RUNDC3B: variants seen among roughly 807,000 people sequenced by gnomAD.
RUNDC3B encodes RUN domain-containing protein 3B.
RUNDC3B carries 33 observed loss-of-function variants against 58.4 expected under a neutral mutation model. That is an observed-to-expected ratio of 0.56 (90% CI 0.43 to 0.75). The LOEUF (loss-of-function observed/expected upper bound fraction) is 0.75. Among genes scored for constraint, RUNDC3B ranks in the 30% least tolerant of loss-of-function variants. The probability of loss-of-function intolerance (pLI) is 0.00; values close to 1 mark genes in which losing one functional copy is unlikely to be tolerated. For missense variants in RUNDC3B, 501 were observed against 535.7 expected (o/e 0.94, Z 0.64); for synonymous variants, 193 against 195.2 (o/e 0.99, Z 0.10).
At chr7:87,629,869 G>A (rs574907142) in intron 1 of RUNDC3B, among the ~76,000 whole-genome samples, 9 of 151,192 alleles carry the variant, frequency 6.0e-5, no homozygotes, top group African/African-American at 2.2e-4. Context: ...GTTGCAATGA[G>A]CTGAGATAAC....
intron 8 of RUNDC3B, among the ~76,000 whole-genome samples, chr7:87,799,205 TG>T (rs2130920265): frequency 6.6e-6 from 1 of 152,348 alleles, no homozygotes; most frequent in Non-Finnish European, 1.5e-5. Flanking sequence ...TTCTAGGCGC[TG>T]GTGATTCAAG....
At chr7:87,651,059 A>C (rs772995568) in intron 2 of RUNDC3B, 122 bp downstream of exon 2, 65 of 624,272 alleles carry the variant, frequency 1.0e-4, no homozygotes, top group Non-Finnish European at 1.7e-4. Context: ...GAAATGTCAA[A>C]TCTTTTGGCC....
intron 8 of RUNDC3B, among the ~76,000 whole-genome samples, chr7:87,780,300 CT>C (rs1834856675): frequency 6.6e-6 from 1 of 152,058 alleles, no homozygotes; most frequent in Non-Finnish European, 1.5e-5. Flanking sequence ...TGTTTTGCAA[CT>C]TTTTAATAAT....
chr7:87,803,575 G>A (rs977104844), intron 8 of RUNDC3B, among the ~76,000 whole-genome samples: 61 of 152,048 alleles, frequency 4.0e-4, no homozygotes, highest in African/African-American at 3.6e-4. Context: ...TATTAGAAGC[G>A]GTAGAGTATA....
intron 2 of RUNDC3B, among the ~76,000 whole-genome samples, chr7:87,692,228 A>C (rs1828080946): frequency 6.6e-6 from 1 of 152,108 alleles, no homozygotes; most frequent in South Asian, 2.1e-4. Context: ...CGGCAGGATA[A>C]TCCATTGAGC....
chr7:87,670,236 A>G (rs1389081767), intron 2 of RUNDC3B, among the ~76,000 whole-genome samples: 1 of 151,950 alleles, frequency 6.6e-6, no homozygotes, highest in East Asian at 1.9e-4. Context: ...AGGTGCTGAG[A>G]TTCTTTTGTT....
intron 6 of RUNDC3B, among the ~76,000 whole-genome samples, chr7:87,754,906 G>A (rs1018704397): frequency 1.5e-5 from 2 of 129,922 alleles, no homozygotes; most frequent in African/African-American, 3.0e-5. Flanking sequence ...ACAATAATGA[G>A]CTCTGAAATT....
intron 8 of RUNDC3B, among the ~76,000 whole-genome samples, chr7:87,791,335 G>A (rs571471770): frequency 6.6e-6 from 1 of 152,162 alleles, no homozygotes; most frequent in Non-Finnish European, 1.5e-5. Flanking sequence ...AATGCTGGAG[G>A]GAGATCTTCA....
intron 9 of RUNDC3B, among the ~76,000 whole-genome samples, chr7:87,807,763 G>C (rs188656940): frequency 1.3e-5 from 2 of 152,196 alleles, no homozygotes; most frequent in Admixed American, 6.5e-5. Context: ...ATGAGCTTGT[G>C]TTTAATGAGC....
At chr7:87,808,281 C>A (rs1012979576) in intron 9 of RUNDC3B, among the ~76,000 whole-genome samples, 1 of 151,434 alleles carries the variant, frequency 6.6e-6, no homozygotes, top group Non-Finnish European at 1.5e-5. Context: ...GTTTGTCTTT[C>A]CTCCCTTTTT....
At chr7:87,812,497 T>C (rs1396208337) in intron 9 of RUNDC3B, among the ~76,000 whole-genome samples, 1 of 152,130 alleles carries the variant, frequency 6.6e-6, no homozygotes, top group Non-Finnish European at 1.5e-5. Flanking sequence ...TAATCTCAGC[T>C]ACTTGGGAGG....
intron 4 of RUNDC3B, among the ~76,000 whole-genome samples, chr7:87,739,231 C>T (rs535592990): frequency 6.6e-6 from 1 of 152,098 alleles, no homozygotes; most frequent in South Asian, 2.1e-4. Context: ...CTTTCTTTTT[C>T]ATATGCAGCC....
intron 6 of RUNDC3B, among the ~76,000 whole-genome samples, chr7:87,765,337 C>G (rs10251177): frequency 0.048 from 7,350 of 151,592 alleles, 263 homozygotes; most frequent in East Asian, 0.091. Context: ...TCTTCTGCTA[C>G]TTTTGAGTAT....
At chr7:87,647,358 G>A (rs1823113087) in intron 1 of RUNDC3B, among the ~76,000 whole-genome samples, 1 of 152,068 alleles carries the variant, frequency 6.6e-6, no homozygotes, top group African/African-American at 2.4e-5. Context: ...TTTCTAAGAA[G>A]TGTATGCTGG....
chr7:87,831,110 T>C lies in RUNDC3B; in HGVS notation c.*1080T>C, dbSNP rs902665168. ...TTTTTAAAGTTGTAATCTGTACTTT[T>C]TTTTTTTTGCAATTTTTGAAACAGC... On this transcript the variant is annotated 3_prime_UTR_variant, in exon 11 of 11. Transcript: ENST00000394654. The C allele has an allele frequency of 6.6e-6, 1 of 151,696 alleles. No individual in the cohort carries two copies. Among genetic ancestry groups the C allele is most frequent in the Non-Finnish European group, 1.5e-5 (1 of 67,786 alleles). 9.4% of individuals were successfully genotyped at this position (151,696 alleles called of 1,614,324 possible). A position where few individuals can be genotyped will look rare whatever the true frequency, so the allele number is the denominator to read the frequency against.
chr7:87,726,739 C>G (rs2130785432), intron 4 of RUNDC3B, among the ~76,000 whole-genome samples: 1 of 152,234 alleles, frequency 6.6e-6, no homozygotes, highest in African/African-American at 2.4e-5. Flanking sequence ...GAATGTTCTT[C>G]CATTTGTTTG....
chr7:87,801,932 T>C (rs575135656), intron 8 of RUNDC3B, among the ~76,000 whole-genome samples: 44 of 152,270 alleles, frequency 2.9e-4, no homozygotes, highest in South Asian at 1.7e-3. Flanking sequence ...AGACAGTAAA[T>C]AACTGCATTT....
At chr7:87,639,242 A>C (rs1411335264) in intron 1 of RUNDC3B, among the ~76,000 whole-genome samples, 2 of 151,852 alleles carry the variant, frequency 1.3e-5, no homozygotes, top group Non-Finnish European at 2.9e-5. Context: ...ATTTCGAATG[A>C]ATTCTGTTGT....
At chr7:87,678,978 A>G (rs192349625) in intron 2 of RUNDC3B, among the ~76,000 whole-genome samples, 1 of 152,158 alleles carries the variant, frequency 6.6e-6, no homozygotes, top group African/African-American at 2.4e-5. Context: ...TATACTTAGC[A>G]ATGTCAACAC....
Sources: allele counts gnomAD v4.1 joint callset (sites outside exome capture counted in the v4.1 genomes callset), GRCh38; gene constraint gnomAD v4.1.1; transcripts MANE v1.5; gene names NCBI Gene and HGNC (gene_info 2026-07-23, HGNC 2026-07-21).